Variants in MIPOL1 observed in about 807,000 individuals in gnomAD.
The protein encoded by MIPOL1 is mirror-image polydactyly gene 1 protein.
A neutral mutation model predicts 60.9 loss-of-function variants in MIPOL1; 57 were observed. That is an observed-to-expected ratio of 0.94 (90% CI 0.76 to 1.17). MIPOL1 has a LOEUF of 1.17. MIPOL1 is among the 50% of genes most tolerant of loss of function. MIPOL1 has a pLI of 0.00. For synonymous variants in MIPOL1, 179 were observed against 168.8 expected (o/e 1.06, Z -0.47); for missense variants, 551 against 511.6 (o/e 1.08, Z -0.74).
At chr14:37,417,078 A>T (rs946499060) in intron 10 of MIPOL1, among the ~76,000 whole-genome samples, 2 of 152,106 alleles carry the variant, frequency 1.3e-5, no homozygotes, top group Admixed American at 6.6e-5. Context: ...GCACATAAAG[A>T]TTTGCTAACT....
intron 11 of MIPOL1, 37 bp from the exon 12 acceptor site, chr14:37,499,871 A>G: frequency 3.4e-6 from 4 of 1,165,134 alleles, no homozygotes; most frequent in Non-Finnish European, 4.9e-6. Context: ...CTCAGTTTAC[A>G]TTACTTATCT....
intron 11 of MIPOL1, among the ~76,000 whole-genome samples, chr14:37,436,297 A>G (rs192325152): frequency 1.3e-5 from 2 of 152,290 alleles, no homozygotes; most frequent in Admixed American, 6.5e-5. Context: ...AACACCAGCT[A>G]TAGTCAGAAA....
At chr14:37,264,184 A>G (rs2082702907) in intron 3 of MIPOL1, among the ~76,000 whole-genome samples, 1 of 152,170 alleles carries the variant, frequency 6.6e-6, no homozygotes, top group South Asian at 2.1e-4. Context: ...TTGGTTAGAA[A>G]AGGTACTAAT....
At chr14:37,502,141 T>G (rs2095224901) in intron 12 of MIPOL1, 1 of 152,310 alleles carries the variant, frequency 6.6e-6, no homozygotes, top group Admixed American at 6.5e-5. Flanking sequence ...GCCTACTGCC[T>G]CTATGGACTC....
chr14:37,409,603 T>C (rs1000377759), intron 10 of MIPOL1, among the ~76,000 whole-genome samples: 1 of 152,022 alleles, frequency 6.6e-6, no homozygotes, highest in Non-Finnish European at 1.5e-5. Context: ...CTGGCCAACA[T>C]GGTGAAACCC....
intron 12 of MIPOL1, chr14:37,507,300 G>T (rs1027549043): frequency 6.6e-6 from 1 of 152,116 alleles, no homozygotes; most frequent in Non-Finnish European, 1.5e-5. Context: ...AAAGATACAT[G>T]CACACATATG....
intron 12 of MIPOL1, chr14:37,503,677 G>T (rs1465172778): frequency 6.6e-6 from 1 of 152,132 alleles, no homozygotes; most frequent in African/African-American, 2.4e-5. Context: ...GACCATCGAT[G>T]CTAGGAAAAA....
chr14:37,500,999 T>G (rs978171755), intron 12 of MIPOL1, among the ~76,000 whole-genome samples: 5 of 152,216 alleles, frequency 3.3e-5, no homozygotes, highest in African/African-American at 1.2e-4. Flanking sequence ...CAAGGTTTCT[T>G]ACTTCCCACT....
intron 11 of MIPOL1, among the ~76,000 whole-genome samples, chr14:37,449,511 G>A (rs947869018): frequency 3.3e-5 from 5 of 152,028 alleles, no homozygotes; most frequent in Non-Finnish European, 5.9e-5. Flanking sequence ...GAAATAATTC[G>A]TTGCTTTTAT....
intron 11 of MIPOL1, among the ~76,000 whole-genome samples, chr14:37,453,268 G>T (rs545896201): frequency 1.3e-5 from 2 of 152,000 alleles, no homozygotes; most frequent in Non-Finnish European, 1.5e-5. Context: ...TTAGTAGCAT[G>T]AATTATCTTT....
At chr14:37,357,214 C>G (rs1047230806) in intron 9 of MIPOL1, among the ~76,000 whole-genome samples, 2 of 152,196 alleles carry the variant, frequency 1.3e-5, no homozygotes, top group Admixed American at 6.5e-5. Context: ...TACTAACTTA[C>G]ATTCTCACCA....
chr14:37,550,605 T>G lies in MIPOL1; in HGVS notation c.*3634T>G, dbSNP rs2095559539. 6.6e-6 allele frequency: 1 copy of G among 152,462 alleles called. No individual in the cohort carries two copies. The highest frequency in any genetic ancestry group is 1.5e-5 in the Non-Finnish European group (1 of 67,964). The allele number at this position is 152,462 out of a possible 1,614,324, so 9.4% of individuals were successfully genotyped here. A position where few individuals can be genotyped will look rare whatever the true frequency, so the allele number is the denominator to read the frequency against. ...GTGATTTCAGTGTTTTGTTCATGTTTTATTGGAAATGCACGTGGTTTCTTA... is the reference window on the plus strand; with the variant it reads ...GTGATTTCAGTGTTTTGTTCATGTTGTATTGGAAATGCACGTGGTTTCTTA... On this transcript the variant is annotated 3_prime_UTR_variant, in exon 13 of 13. Transcript: ENST00000684589.
intron 11 of MIPOL1, among the ~76,000 whole-genome samples, chr14:37,472,967 T>C (rs527837375): frequency 6.6e-6 from 1 of 152,244 alleles, no homozygotes; most frequent in Non-Finnish European, 1.5e-5. Flanking sequence ...TGAATTCAGG[T>C]CTGATTAGGT....
At chr14:37,292,088 G>A (rs1594940482) in intron 7 of MIPOL1, among the ~76,000 whole-genome samples, 3 of 151,838 alleles carry the variant, frequency 2.0e-5, no homozygotes, top group East Asian at 3.9e-4. Flanking sequence ...ACCATGCCCG[G>A]CTTATTTTTT....
intron 11 of MIPOL1, among the ~76,000 whole-genome samples, chr14:37,449,265 C>A (rs1378630508): frequency 6.6e-6 from 1 of 151,968 alleles, no homozygotes; most frequent in African/African-American, 2.4e-5. Flanking sequence ...TGGAAGAAAT[C>A]TTTGGCAGAG....
At chr14:37,400,245 A>C (rs541574174) in intron 10 of MIPOL1, 2 of 152,154 alleles carry the variant, frequency 1.3e-5, no homozygotes, top group South Asian at 4.2e-4. Flanking sequence ...AGAGATAGGA[A>C]AGAATGTGAG....
intron 10 of MIPOL1, among the ~76,000 whole-genome samples, chr14:37,374,241 G>A (rs1046256508): frequency 4.0e-5 from 6 of 151,676 alleles, no homozygotes; most frequent in Admixed American, 1.3e-4. Flanking sequence ...TTTGTTTTTC[G>A]GGGGGTAAAT....
intron 9 of MIPOL1, among the ~76,000 whole-genome samples, chr14:37,355,794 A>AT (rs1254665789): frequency 6.6e-6 from 1 of 150,650 alleles, no homozygotes; most frequent in Non-Finnish European, 1.5e-5. Flanking sequence ...TGGGTATTCT[A>AT]GTTATACATT....
At chr14:37,349,277 T>TAACGGGCGTGAGCCACC (rs2091177554) in intron 9 of MIPOL1, among the ~76,000 whole-genome samples, 2 of 152,166 alleles carry the variant, frequency 1.3e-5, no homozygotes, top group African/African-American at 4.8e-5. Context: ...CGTGAGCCAC[T>TAACGGGCGTGAGCCACC]GCACCCGGCC....
Sources: allele counts gnomAD v4.1 joint callset (sites outside exome capture counted in the v4.1 genomes callset), GRCh38; gene constraint gnomAD v4.1.1; transcripts MANE v1.5; gene names NCBI Gene and HGNC (gene_info 2026-07-23, HGNC 2026-07-21).